HEATR5B: variants seen among roughly 807,000 people sequenced by gnomAD.
HEATR5B encodes HEAT repeat-containing protein 5B.
In HEATR5B, 156 loss-of-function variants were observed where a neutral mutation model predicts 224.1. The observed-to-expected ratio is 0.70, with a 90% CI of 0.61 to 0.80. The LOEUF is 0.80. HEATR5B is among the 30% of genes least tolerant of loss of function. HEATR5B has a pLI of 0.00. For missense variants in HEATR5B, 2,323 were observed against 2,535.5 expected, an observed-to-expected ratio of 0.92 and a Z score of 1.80; for synonymous variants, 1,027 against 893.0, an observed-to-expected ratio of 1.15 and a Z score of -2.68.
intron 33 of HEATR5B, among the ~76,000 whole-genome samples, chr2:36,995,033 G>A (rs4606899): frequency 0.63 from 94,478 of 150,438 alleles, 30,861 homozygotes; most frequent in African/African-American, 0.82. Context: ...TACAGGTGTG[G>A]GCCACTGCGC....
At chr2:36,993,065 T>C (rs964670604) in intron 33 of HEATR5B, among the ~76,000 whole-genome samples, 3 of 152,152 alleles carry the variant, frequency 2.0e-5, no homozygotes, top group African/African-American at 4.8e-5. Flanking sequence ...AGATGGGGCA[T>C]CTAAATATGA....
At chr2:37,051,725 T>A (rs1008096527) in intron 17 of HEATR5B, among the ~76,000 whole-genome samples, 1 of 152,038 alleles carries the variant, frequency 6.6e-6, no homozygotes, top group African/African-American at 2.4e-5. Context: ...GGTCCAAACC[T>A]GTATTTCTTC....
At chr2:36,998,878 T>A (rs904945712) in intron 33 of HEATR5B, among the ~76,000 whole-genome samples, 25 of 152,012 alleles carry the variant, frequency 1.6e-4, no homozygotes, top group Non-Finnish European at 3.4e-4. Flanking sequence ...CATACTCATA[T>A]AGAAAACATA....
intron 26 of HEATR5B, among the ~76,000 whole-genome samples, chr2:37,016,914 G>T (rs1175745447): frequency 1.3e-5 from 2 of 151,926 alleles, no homozygotes; most frequent in East Asian, 3.9e-4. Flanking sequence ...CAAAACTGCT[G>T]AAAAATAATT....
chr2:37,013,667 C>T (rs1456736009), intron 27 of HEATR5B, among the ~76,000 whole-genome samples, 174 bp downstream of exon 27: 1 of 152,136 alleles, frequency 6.6e-6, no homozygotes, highest in South Asian at 2.1e-4. Context: ...TGTAGGAGAG[C>T]CCTTCCTCAA....
intron 6 of HEATR5B, 129 bp downstream of exon 6, chr2:37,071,981 G>C (rs1486724706): frequency 1.4e-6 from 1 of 700,964 alleles, no homozygotes; most frequent in East Asian, 3.0e-5. Context: ...ACCGCGCCCA[G>C]CCAGGTTCTT....
Position 37,026,597 on chromosome 2 carries a change from C to G in HEATR5B, c.3853+1326G>C, listed in dbSNP as rs375103932. Among the ~76,000 whole-genome samples the G allele has an allele frequency of 1.2e-4, 18 of 152,328 alleles. No homozygotes were observed. In the East Asian group the frequency reaches 3.3e-3, roughly 28 times the overall value. ...AACTATTTGACTGAGAAGTCTGTCTCTCTGTCTTCTAGGCTATAAGTTCTT... is the reference window on the plus strand; with the variant it reads ...AACTATTTGACTGAGAAGTCTGTCTGTCTGTCTTCTAGGCTATAAGTTCTT... On this transcript the variant is annotated intron_variant, in intron 24 of 35. Transcript: ENST00000233099.
At chr2:37,054,480 A>AAT (rs1491180420) in intron 16 of HEATR5B, among the ~76,000 whole-genome samples, 1 of 75,234 alleles carries the variant, frequency 1.3e-5, no homozygotes, top group South Asian at 4.9e-4. Context: ...TGTGCTCTGC[A>AAT]TTTTTTTTTT....
chr2:37,025,345 T>G (rs1668703080), intron 24 of HEATR5B, among the ~76,000 whole-genome samples: 1 of 151,918 alleles, frequency 6.6e-6, no homozygotes. Flanking sequence ...ACTCTTCTCT[T>G]TCAAGAATAT....
chr2:37,076,470 A>G (rs1672238188), intron 4 of HEATR5B, among the ~76,000 whole-genome samples: 1 of 152,144 alleles, frequency 6.6e-6, no homozygotes, highest in East Asian at 1.9e-4. Flanking sequence ...AGAAGGTAAG[A>G]AGGAAAGGAA....
rs770137974 is a variant in HEATR5B at position 37,062,056 on chromosome 2, AG to A, written c.1585-7del. 1.8e-5 allele frequency: 27 copies of A among 1,492,042 alleles called. No homozygotes were observed. Among genetic ancestry groups the A allele is most frequent in the Non-Finnish European group, 2.4e-5 (26 of 1,069,216 alleles). 92.4% of individuals were successfully genotyped at this position (1,492,042 alleles called of 1,614,324 possible). ...TCAGCAATACTAACTACCATCTGCA[AG>A]AAAAGTTTAGAATTGGATTTTAATT... On this transcript the variant is annotated splice_polypyrimidine_tract_variant and splice_region_variant and intron_variant, in intron 10 of 35. Coordinates refer to ENST00000233099, the MANE Select transcript of HEATR5B (RefSeq NM_019024.3).
At chr2:37,075,076 T>A (rs901422536) in intron 5 of HEATR5B, among the ~76,000 whole-genome samples, 1 of 152,162 alleles carries the variant, frequency 6.6e-6, no homozygotes, top group Admixed American at 6.5e-5. Flanking sequence ...TTTGCGGAAG[T>A]GAAATGAAAG....
rs943729854 is a variant in HEATR5B at position 37,070,167 on chromosome 2, T to A, written c.927+63A>T. The A allele has an allele frequency of 1.9e-5, 29 of 1,522,348 alleles. No homozygotes were observed. In the African/African-American group the frequency reaches 2.3e-4, roughly 12 times the overall value. The allele number at this position is 1,522,348 out of a possible 1,614,324, so 94.3% of individuals were successfully genotyped here. On this transcript the variant is annotated intron_variant, in intron 7 of 35. Transcript: ENST00000233099. ...TGCCCGCCTTGGCCTCCAAAAATGC[T>A]GGGATTACAGGCGTGAGCCACCGTG... is the stretch of plus-strand genomic sequence containing the variant.
intron 18 of HEATR5B, among the ~76,000 whole-genome samples, chr2:37,047,761 A>G (rs1036270124): frequency 6.6e-6 from 1 of 152,192 alleles, no homozygotes; most frequent in African/African-American, 2.4e-5. Context: ...TGATTTTAGC[A>G]TTTCACAGTC....
chr2:37,065,709 C>A, intron 9 of HEATR5B, 46 bp downstream of exon 9: 1 of 1,521,514 alleles, frequency 6.6e-7, no homozygotes, highest in Non-Finnish European at 9.1e-7. Context: ...ACACTTATGA[C>A]TGAAAAAAGT....
At chr2:37,043,034 A>G (rs961625166) in intron 18 of HEATR5B, among the ~76,000 whole-genome samples, 1 of 152,192 alleles carries the variant, frequency 6.6e-6, no homozygotes, top group South Asian at 2.1e-4. Context: ...AGCAGAAATA[A>G]TAGCCAACAA....
intron 18 of HEATR5B, among the ~76,000 whole-genome samples, chr2:37,043,938 G>C (rs1458957846): frequency 2.4e-4 from 36 of 152,054 alleles, no homozygotes; most frequent in Admixed American, 2.4e-3. Context: ...TAGAAATGAA[G>C]GTTTTAGAGT....
chr2:37,041,492 A>G (rs964449609), intron 18 of HEATR5B, among the ~76,000 whole-genome samples, 200 bp from the exon 19 acceptor site: 1 of 152,182 alleles, frequency 6.6e-6, no homozygotes, highest in Non-Finnish European at 1.5e-5. Context: ...CATGCCTGTA[A>G]TCCCAGCATT....
In HEATR5B at chr2:37,070,233, C is replaced by T. The variant is rs750774445; in HGVS notation, c.924G>A (p.Thr308=). 51 of 1,613,752 alleles carry T rather than the reference C, an allele frequency of 3.2e-5. No individual in the cohort carries two copies. Among genetic ancestry groups the T allele is most frequent in the Admixed American group, 5.0e-5 (3 of 59,958 alleles). Reference sequence around the variant, plus strand: ...TTCACACATACGTGTTACAAACCTGCGTAACTCCAACTCTCACTTCACGAT... The same window carrying T: ...TTCACACATACGTGTTACAAACCTGTGTAACTCCAACTCTCACTTCACGAT... ...SVNREVRVGV[T]QAYVVFVTTL... is the part of the protein sequence containing the mutation. Residue 308 remains threonine, a synonymous_variant, in exon 7 of 36, where the codon ACG becomes ACA. Transcript: ENST00000233099.
Sources: gnomAD v4.1 joint callset for allele counts (sites outside exome capture counted in the v4.1 genomes callset) on GRCh38, gnomAD v4.1.1 for gene constraint, MANE v1.5 for transcripts, NCBI Gene and HGNC (gene_info 2026-07-23, HGNC 2026-07-21) for gene names.